MYO18B: variants seen among roughly 807,000 people sequenced by gnomAD.
MYO18B encodes unconventional myosin-XVIIIb.
MYO18B carries 204 observed loss-of-function variants against 273.0 expected under a neutral mutation model. That is an observed-to-expected ratio of 0.75 (90% confidence interval 0.67 to 0.84). The LOEUF is 0.84. Ranked by LOEUF, MYO18B falls within the 40% of genes least tolerant of loss-of-function variation. The pLI, the probability that MYO18B is intolerant of heterozygous loss-of-function variation, is 0.00. For synonymous variants in MYO18B, 1,330 were observed against 1,305.7 expected (o/e 1.02, Z -0.40); for missense variants, 3,212 against 3,287.6 (o/e 0.98, Z 0.56).
In MYO18B at chr22:25,777,667, A is replaced by G; in HGVS notation, c.1954A>G (p.Arg652Gly). Residue 652 changes from arginine to glycine, a missense_variant, in exon 8 of 44, where the codon AGA (arginine) becomes GGA (glycine). Transcript: ENST00000335473. Reference sequence around the variant, plus strand: ...ATACTGGGCGCTGCTGAACCAGCGGAGAGACCAGAGCATTGTGGCCCTGGG... The same window carrying G: ...ATACTGGGCGCTGCTGAACCAGCGGGGAGACCAGAGCATTGTGGCCCTGGG... Reference protein sequence around the residue: ...RAYWALLNQRRDQSIVALGWS... With the variant: ...RAYWALLNQRGDQSIVALGWS... The G allele has an allele frequency of 6.2e-7, 1 of 1,613,084 alleles. No homozygotes were observed. Among genetic ancestry groups the G allele is most frequent in the Non-Finnish European group, 8.5e-7 (1 of 1,179,446 alleles).
chr22:25,819,362 C>T (rs1360974912), intron 12 of MYO18B, among the ~76,000 whole-genome samples: 5 of 152,204 alleles, frequency 3.3e-5, no homozygotes, highest in African/African-American at 1.2e-4. Flanking sequence ...GAAACAGTTG[C>T]AAGTGTTTAG....
In MYO18B at chr22:25,784,979, G is replaced by T. The variant is rs1407578252; in HGVS notation, c.2313-449G>T. On this transcript the variant is annotated intron_variant, in intron 10 of 43. Transcript: ENST00000335473. ...TGCTTGCTAGCTGTGAAGTCTTGGG[G>T]CAGGTACCCACTCTCAGTGCCTCTG... Among the ~76,000 whole-genome samples the T allele has an allele frequency of 2.6e-5, 4 of 152,198 alleles. No homozygotes were observed. The East Asian group carries it at 7.7e-4, about 29-fold the overall frequency.
rs1163837306 is a variant in MYO18B at position 25,910,817 on chromosome 22, A to AGG, written c.5260-129_5260-128insGG. The AGG allele has an allele frequency of 5.8e-5, 41 of 705,878 alleles. No homozygotes were observed. In the African/African-American group the frequency reaches 6.0e-4, roughly 10 times the overall value. The allele number at this position is 705,878 out of a possible 1,614,324, so 43.7% of individuals were successfully genotyped here. A position where few individuals can be genotyped will look rare whatever the true frequency, so the allele number is the denominator to read the frequency against. On this transcript the variant is annotated intron_variant, in intron 32 of 43. Coordinates refer to ENST00000335473, the MANE Select transcript of MYO18B (RefSeq NM_032608.7). ...CCCACAGAGACACTACCACCCAATC[A>AGG]CTAGGGCAGCCTCATGGAACAAAGC... is the stretch of plus-strand genomic sequence containing the variant.
chr22:25,954,366 G>A (rs939396992), intron 38 of MYO18B, among the ~76,000 whole-genome samples: 1 of 152,018 alleles, frequency 6.6e-6, no homozygotes, highest in Non-Finnish European at 1.5e-5. Context: ...AAACACATGT[G>A]GGGGAAAGGT....
intron 39 of MYO18B, among the ~76,000 whole-genome samples, chr22:25,970,397 C>G (rs2093024735): frequency 6.6e-6 from 1 of 152,154 alleles, no homozygotes; most frequent in Non-Finnish European, 1.5e-5. Flanking sequence ...GTATACCCCA[C>G]CTTGTGACCT....
chr22:25,825,095 A>G (rs952083933), intron 13 of MYO18B, among the ~76,000 whole-genome samples: 82 of 152,238 alleles, frequency 5.4e-4, no homozygotes, highest in African/African-American at 1.9e-3. Flanking sequence ...ACACATATGC[A>G]CAGGCACAAA....
intron 40 of MYO18B, among the ~76,000 whole-genome samples, chr22:25,998,942 C>T (rs1601797376): frequency 6.6e-6 from 1 of 152,174 alleles, no homozygotes; most frequent in Admixed American, 6.5e-5. Context: ...GTAGGATTCA[C>T]AGAGAGTCAG....
chr22:26,042,279 G>C, the MYO18B span, among the ~76,000 whole-genome samples: 1 of 152,236 alleles, frequency 6.6e-6, no homozygotes, highest in Non-Finnish European at 1.5e-5. Context: ...CCTGCCAGCT[G>C]CATCCTAAAA....
chr22:25,939,245 G>A (rs2092616021), intron 34 of MYO18B, among the ~76,000 whole-genome samples: 1 of 152,212 alleles, frequency 6.6e-6, no homozygotes, highest in African/African-American at 2.4e-5. Context: ...AAAAAGGGAA[G>A]TTATTGGCCA....
chr22:25,834,274 G>T (rs2089819763), intron 16 of MYO18B, among the ~76,000 whole-genome samples: 1 of 151,936 alleles, frequency 6.6e-6, no homozygotes, highest in Non-Finnish European at 1.5e-5. Flanking sequence ...AGCCTCCTGA[G>T]TAGCTGGGAT....
chr22:25,937,029 CTAA>C (rs955307971), intron 34 of MYO18B, among the ~76,000 whole-genome samples: 1 of 151,954 alleles, frequency 6.6e-6, no homozygotes, highest in Non-Finnish European at 1.5e-5. Context: ...TATCCTACTA[CTAA>C]TAATAATATT....
At chr22:25,958,127 C>T in intron 39 of MYO18B, among the ~76,000 whole-genome samples, 1 of 152,010 alleles carries the variant, frequency 6.6e-6, no homozygotes, top group East Asian at 1.9e-4. Flanking sequence ...GTTGGCCAAG[C>T]TAGTCTCGAA....
At chr22:25,814,132 G>T (rs2088888722) in intron 12 of MYO18B, among the ~76,000 whole-genome samples, 1 of 152,086 alleles carries the variant, frequency 6.6e-6, no homozygotes, top group African/African-American at 2.4e-5. Context: ...GTGGAGTGAG[G>T]AGATTAGGAC....
intron 31 of MYO18B, among the ~76,000 whole-genome samples, chr22:25,904,439 G>T (rs531090354): frequency 6.6e-6 from 1 of 152,286 alleles, no homozygotes; most frequent in South Asian, 2.1e-4. Flanking sequence ...GGATGTAGAA[G>T]TTGAGACTCA....
At chr22:25,752,304 C>T (rs1006959286) in intron 1 of MYO18B, among the ~76,000 whole-genome samples, 3 of 150,358 alleles carry the variant, frequency 2.0e-5, no homozygotes, top group Non-Finnish European at 4.5e-5. Context: ...TCTCCTGCCT[C>T]AGCCTCCCAA....
intron 21 of MYO18B, among the ~76,000 whole-genome samples, chr22:25,853,390 C>G (rs1293589334): frequency 1.3e-5 from 2 of 152,236 alleles, no homozygotes; most frequent in African/African-American, 4.8e-5. Context: ...GCAATGCCTT[C>G]TGCAGGGCCC....
chr22:25,935,065 A>G (rs764315165), intron 34 of MYO18B, among the ~76,000 whole-genome samples: 3 of 152,164 alleles, frequency 2.0e-5, no homozygotes, highest in Non-Finnish European at 2.9e-5. Context: ...TGCCCTGACC[A>G]TTAATAGTGT....
intron 32 of MYO18B, among the ~76,000 whole-genome samples, chr22:25,909,176 T>C (rs959392018): frequency 2.0e-5 from 3 of 152,234 alleles, no homozygotes; most frequent in East Asian, 1.9e-4. Context: ...TAGAGCTGTA[T>C]TGATGGATTT....
rs1438868220 is a variant in MYO18B, at chr22:25,922,597, G to A, written c.5517+1188G>A. On this transcript the variant is annotated intron_variant, in intron 34 of 43. Transcript: ENST00000335473. ...ATTCTTGCTAAGCCCAGATGCCTTC[G>A]CCACCTGCCTTCTTGGAGGGTTACT... 3.3e-5 allele frequency among the ~76,000 whole-genome samples: 5 copies of A among 152,194 alleles called. No individual in the cohort carries two copies. The East Asian group carries it at 9.7e-4, about 29-fold the overall frequency.
Sources: gnomAD v4.1 joint callset for allele counts (sites outside exome capture counted in the v4.1 genomes callset) on GRCh38, gnomAD v4.1.1 for gene constraint, MANE v1.5 for transcripts, NCBI Gene and HGNC (gene_info 2026-07-23, HGNC 2026-07-21) for gene names.